Variants in ENTREP2 observed in about 807,000 individuals in gnomAD.
The protein encoded by ENTREP2 is endosomal transmembrane epsin interactor 2, also known as protein ENTREP2.
At chr15:29,336,928 T>C in the ENTREP2 span, among the ~76,000 whole-genome samples, 2 of 152,130 alleles carry the variant, frequency 1.3e-5, no homozygotes, top group Non-Finnish European at 2.9e-5. Flanking sequence ...GCTGTGTGCA[T>C]GGCTTTTCTC....
At chr15:29,619,370 G>C in the ENTREP2 span, among the ~76,000 whole-genome samples, 1 of 152,182 alleles carries the variant, frequency 6.6e-6, no homozygotes, top group South Asian at 2.1e-4. Context: ...CCCAGCCTGG[G>C]TGACAGAGCG....
At chr15:29,280,164 C>T in the ENTREP2 span, among the ~76,000 whole-genome samples, 1 of 152,158 alleles carries the variant, frequency 6.6e-6, no homozygotes, top group Non-Finnish European at 1.5e-5. Flanking sequence ...TCTATTAGAT[C>T]ATTAAAAGAC....
At chr15:29,208,555 A>C in the ENTREP2 span, among the ~76,000 whole-genome samples, 1 of 152,342 alleles carries the variant, frequency 6.6e-6, no homozygotes, top group East Asian at 1.9e-4. Flanking sequence ...CACAGATATC[A>C]GATTCCTCAG....
chr15:29,305,148 C>T, the ENTREP2 span, among the ~76,000 whole-genome samples: 4 of 152,162 alleles, frequency 2.6e-5, no homozygotes, highest in Admixed American at 6.5e-5. Context: ...GAAAAGCACT[C>T]AATAAATATT....
At chr15:29,553,566 G>C in the ENTREP2 span, among the ~76,000 whole-genome samples, 1 of 152,184 alleles carries the variant, frequency 6.6e-6, no homozygotes, top group East Asian at 1.9e-4. Flanking sequence ...ATGCTGGCAG[G>C]TCTGTGACTG....
At chr15:29,571,078 G>T in the ENTREP2 span, among the ~76,000 whole-genome samples, 73 of 149,820 alleles carry the variant, frequency 4.9e-4, no homozygotes, top group African/African-American at 1.7e-3. Flanking sequence ...CCGGGCGCGA[G>T]CCCCGCCGCC....
chr15:29,634,990 G>A, the ENTREP2 span, among the ~76,000 whole-genome samples: 2 of 152,068 alleles, frequency 1.3e-5, no homozygotes, highest in African/African-American at 4.8e-5. Context: ...GACTACAGGC[G>A]CCTGCCACCA....
At chr15:29,290,721 A>C in the ENTREP2 span, among the ~76,000 whole-genome samples, 1 of 152,196 alleles carries the variant, frequency 6.6e-6, no homozygotes, top group Non-Finnish European at 1.5e-5. Context: ...GAGCTTGTCT[A>C]TCCGTGGGCC....
the ENTREP2 span, among the ~76,000 whole-genome samples, chr15:29,145,638 A>C: frequency 3.3e-5 from 5 of 150,952 alleles, no homozygotes; most frequent in East Asian, 1.9e-4. Flanking sequence ...AAAAAAAAAA[A>C]AAAAAAACAA....
At chr15:29,132,278 G>A in the ENTREP2 span, among the ~76,000 whole-genome samples, 2 of 152,236 alleles carry the variant, frequency 1.3e-5, no homozygotes, top group Non-Finnish European at 2.9e-5. Context: ...AGCTGGTGGT[G>A]CAGCTGGCGG....
At chr15:29,348,677 C>T in the ENTREP2 span, among the ~76,000 whole-genome samples, 4 of 152,250 alleles carry the variant, frequency 2.6e-5, no homozygotes, top group Admixed American at 6.5e-5. Flanking sequence ...ATGTGACCCG[C>T]GATTTGGCAC....
At chr15:29,237,897 T>C in the ENTREP2 span, among the ~76,000 whole-genome samples, 1 of 152,158 alleles carries the variant, frequency 6.6e-6, no homozygotes, top group African/African-American at 2.4e-5. Flanking sequence ...AAAACTTGTA[T>C]ATAAATGTTT....
At chr15:29,454,663 C>T in the ENTREP2 span, among the ~76,000 whole-genome samples, 1 of 152,156 alleles carries the variant, frequency 6.6e-6, no homozygotes, top group Non-Finnish European at 1.5e-5. Flanking sequence ...ACATGTGATC[C>T]CTGCAGGTCC....
chr15:29,668,574 C>T, the ENTREP2 span, among the ~76,000 whole-genome samples: 2 of 152,182 alleles, frequency 1.3e-5, no homozygotes, highest in Non-Finnish European at 1.5e-5. Flanking sequence ...AGACTATTTG[C>T]GGTAAATAGG....
chr15:29,291,873 GAAGTT>G, the ENTREP2 span, among the ~76,000 whole-genome samples: 1 of 151,284 alleles, frequency 6.6e-6, no homozygotes, highest in African/African-American at 2.4e-5. Flanking sequence ...TTTCTTCCAA[GAAGTT>G]CAGAGTACAT....
the ENTREP2 span, among the ~76,000 whole-genome samples, chr15:29,180,488 A>G: frequency 1.4e-4 from 22 of 152,248 alleles, no homozygotes; most frequent in African/African-American, 4.1e-4. Context: ...AACATGGTGA[A>G]ACCCTGTCTC....
At chr15:29,629,635 T>A in the ENTREP2 span, among the ~76,000 whole-genome samples, 1 of 152,182 alleles carries the variant, frequency 6.6e-6, no homozygotes, top group African/African-American at 2.4e-5. Context: ...ATACACTGAG[T>A]ACCATACCAG....
At chr15:29,117,732 A>AGAT in the ENTREP2 span, 1 of 155,144 alleles carries the variant, frequency 6.4e-6, no homozygotes, top group East Asian at 1.9e-4. Context: ...ATATTTATTT[A>AGAT]GATGCTATTA....
the ENTREP2 span, among the ~76,000 whole-genome samples, chr15:29,205,794 A>G: frequency 6.6e-6 from 1 of 152,246 alleles, no homozygotes. Context: ...TGTGATGAAC[A>G]GAAGTCAATT....
Sources: allele counts gnomAD v4.1 joint callset (sites outside exome capture counted in the v4.1 genomes callset), GRCh38; gene constraint gnomAD v4.1.1; transcripts MANE v1.5; gene names NCBI Gene and HGNC (gene_info 2026-07-23, HGNC 2026-07-21).